Variants in CLUH observed in about 807,000 individuals in gnomAD.
The protein encoded by CLUH is clustered mitochondria protein homolog.
A neutral mutation model predicts 139.3 loss-of-function variants in CLUH; 77 were observed. The observed-to-expected ratio is 0.55, with a 90% CI of 0.46 to 0.67. The LOEUF (loss-of-function observed/expected upper bound fraction) is 0.67, where lower values mean the gene tolerates loss of function less well. Among genes scored for constraint, CLUH ranks in the 30% least tolerant of loss-of-function variants. The probability of loss-of-function intolerance (pLI) is 0.00; values close to 1 mark genes in which losing one functional copy is unlikely to be tolerated. For synonymous variants in CLUH, 999 were observed against 801.6 expected (o/e 1.25, Z -4.16); for missense variants, 1,876 against 1,875.8 (o/e 1.00, Z 0.00).
At position 2,690,554 on chromosome 17, in the gene CLUH, G is replaced by C. The variant is rs762493809; in HGVS notation, c.*40C>G. ...CCTTCTCCCGCAGTCGGGCTCCCTG[G>C]TGACGGGGCCGCTGGCTGGCTGTCC... On this transcript the variant is annotated 3_prime_UTR_variant, in exon 26 of 26. Transcript: ENST00000651024. The C allele has an allele frequency of 5.0e-6, 7 of 1,409,142 alleles. No individual in the cohort carries two copies. The South Asian group carries it at 1.2e-4, about 23-fold the overall frequency. 87.3% of individuals were successfully genotyped at this position (1,409,142 alleles called of 1,614,324 possible). A position where few individuals can be genotyped will look rare whatever the true frequency, so the allele number is the denominator to read the frequency against.
At chr17:2,696,369 C>T (rs2069943763) in intron 12 of CLUH, 65 bp downstream of exon 12, 2 of 1,513,838 alleles carry the variant, frequency 1.3e-6, no homozygotes, top group Non-Finnish European at 9.0e-7. Context: ...GCCCCAAGGG[C>T]CCAGGCCCCC....
intron 24 of CLUH, 32 bp from the exon 25 acceptor site, chr17:2,691,714 G>T: frequency 1.2e-6 from 2 of 1,605,626 alleles, no homozygotes; most frequent in Non-Finnish European, 8.5e-7. Context: ...GGTGAGCGGG[G>T]CTCCCGCGCT....
rs765582996 is a variant in CLUH, at chr17:2,691,966, C to CGCG, written c.3654+37_3654+38insCGC. 446 of 675,222 alleles carry CGCG rather than the reference C, an allele frequency of 6.6e-4. 7 individuals carry two copies. The highest frequency in any genetic ancestry group is 2.1e-3 in the Admixed American group (23 of 11,150). The allele number at this position is 675,222 out of a possible 1,614,324, so 41.8% of individuals were successfully genotyped here. A position where few individuals can be genotyped will look rare whatever the true frequency, so the allele number is the denominator to read the frequency against. On this transcript the variant is annotated intron_variant, in intron 23 of 25. Transcript: ENST00000651024. Reference sequence around the variant, plus strand: ...CCCCGCCCCCGCCCCGCCACGCCCCCGCCCCGCCCCCGCCCCCGCCACGCC... The same window carrying CGCG: ...CCCCGCCCCCGCCCCGCCACGCCCCCGCGGCCCCGCCCCCGCCCCCGCCACGCC...
chr17:2,691,710 C>CG (rs753135925), intron 24 of CLUH, 28 bp from the exon 25 acceptor site: 4 of 1,607,446 alleles, frequency 2.5e-6, no homozygotes. Flanking sequence ...CAGCGGTGAG[C>CG]GGGGCTCCCG....
chr17:2,692,349 G>A lies in CLUH; in HGVS notation c.3560+12C>T. The A allele has an allele frequency of 1.3e-6, 2 of 1,554,296 alleles. No individual in the cohort carries two copies. The highest frequency in any genetic ancestry group is 1.7e-6 in the Non-Finnish European group (2 of 1,157,276). On this transcript the variant is annotated intron_variant, in intron 22 of 25. Transcript: ENST00000651024. ...TCCGCCGGCCTTGGCGTTTGGACGG[G>A]CGGCCCCTCACCTGAGGGCCACCTT...
At chr17:2,697,350 G>A (rs531782935) in intron 10 of CLUH, among the ~76,000 whole-genome samples, 149 of 151,776 alleles carry the variant, frequency 9.8e-4, no homozygotes, top group African/African-American at 3.4e-3. Context: ...GGTGAGCCGG[G>A]ATCGTGCCAT....
rs1439743194 is a variant in CLUH, at chr17:2,695,445, T to C, written c.2473A>G (p.Met825Val). ...AEVMRQRGINMRYLGKVLELV... is the reference protein window; with the variant it reads ...AEVMRQRGINVRYLGKVLELV... ...TCCAGCACCTTGCCCAGGTAGCGCA[T>C]GTTGATGCCCCGCTGGCGCATCACC... The change falls in exon 14 of 26, where the codon ATG becomes GTG. Residue 825 changes from methionine (M) to valine (V), a missense_variant. This residue lies in a region of CLUH where 1,454 missense variants were observed against 1,384.4 expected (regional missense o/e 1.05). Transcript: ENST00000651024. 7 of 1,612,078 alleles carry C rather than the reference T, an allele frequency of 4.3e-6. No individual in the cohort carries two copies. The highest frequency in any genetic ancestry group is 5.9e-6 in the Non-Finnish European group (7 of 1,179,764).
chr17:2,693,884 A>G lies in CLUH; in HGVS notation c.3231+16T>C. On this transcript the variant is annotated intron_variant, in intron 19 of 25. Transcript: ENST00000651024. ...AACACGAGGCCAGGCCTTTGCTGCC[A>G]CAGCCCAGAGGGTACCTCTGCGTAG... is the stretch of plus-strand genomic sequence containing the variant. 1 of 1,600,750 alleles carries G rather than the reference A, an allele frequency of 6.2e-7. No individual in the cohort carries two copies. The highest frequency in any genetic ancestry group is 2.3e-5 in the East Asian group (1 of 44,172).
In CLUH at chr17:2,698,044, G is replaced by A. The variant is rs769744874; in HGVS notation, c.1813C>T (p.Leu605=). The A allele has an allele frequency of 1.9e-6, 3 of 1,606,108 alleles. No individual in the cohort carries two copies. Among genetic ancestry groups the A allele is most frequent in the South Asian group, 1.1e-5 (1 of 90,506 alleles). ...NDGRHYILDL[L]RTFPPDLNFL... Reference sequence around the variant, plus strand: ...TTGAGGTCCGGGGGGAAGGTGCGCAGCAGGTCGAGGATGTAGTGGCGCCCG... The same window carrying A: ...TTGAGGTCCGGGGGGAAGGTGCGCAACAGGTCGAGGATGTAGTGGCGCCCG... Residue 605 remains leucine, a synonymous_variant, in exon 10 of 26, where the codon CTG becomes TTG. Coordinates refer to ENST00000651024, the MANE Select transcript of CLUH (RefSeq NM_001366661.1).
In CLUH at chr17:2,700,766, G is replaced by A. The variant is rs752600034; in HGVS notation, c.1085C>T (p.Ala362Val). Residue 362 changes from alanine to valine, a missense_variant, in exon 8 of 26, where the codon GCC becomes GTC. By Grantham distance (64) the Ala-to-Val change is moderately conservative. This residue lies in a region of CLUH where 1,454 missense variants were observed against 1,384.4 expected (regional missense o/e 1.05). Coordinates refer to ENST00000651024, the MANE Select transcript of CLUH (RefSeq NM_001366661.1). ...ATPFQVYSWT[A>V]PQAEHAMDCV... ...ATCCATGGCATGCTCCGCCTGGGGG[G>A]CTGTCCAGCTGTACACCTGGAATGG... The A allele has an allele frequency of 3.2e-6, 5 of 1,542,598 alleles. No homozygotes were observed. In the South Asian group the frequency reaches 3.8e-5, roughly 12 times the overall value.
At position 2,711,601 on chromosome 17, in the gene CLUH, C is replaced by G. The variant is rs2070526451; in HGVS notation, c.61G>C (p.Gly21Arg). The G allele has an allele frequency of 2.0e-6, 2 of 983,892 alleles. No homozygotes were observed. Among genetic ancestry groups the G allele is most frequent in the Admixed American group, 6.2e-5 (1 of 16,140 alleles). The allele number at this position is 983,892 out of a possible 1,614,324, so 60.9% of individuals were successfully genotyped here. The change falls in exon 1 of 26, where the codon GGC becomes CGC. Residue 21 changes from glycine (G) to arginine (R), a missense_variant. By Grantham distance (125) the Gly-to-Arg change is moderately radical. Coordinates refer to ENST00000651024, the MANE Select transcript of CLUH (RefSeq NM_001366661.1). ...AAPADSAREH[G>R]SQAGGKGRPG... ...CGCCCCTTGCCCCCGGCCTGCGAGC[C>G]GTGTTCCCGGGCGCTGTCGGCCGGG...
intron 1 of CLUH, among the ~76,000 whole-genome samples, chr17:2,708,558 A>C (rs1043742806): frequency 1.3e-5 from 2 of 152,132 alleles, no homozygotes; most frequent in African/African-American, 4.8e-5. Flanking sequence ...CAGAGGCAAG[A>C]GGAGCCAACC....
At position 2,692,181 on chromosome 17, in the gene CLUH, G is replaced by T. The variant is rs528151801; in HGVS notation, c.3561-84C>A. The T allele has an allele frequency of 2.7e-6, 4 of 1,464,766 alleles. No homozygotes were observed. The Admixed American group carries it at 7.9e-5, about 29-fold the overall frequency. The allele number at this position is 1,464,766 out of a possible 1,614,324, so 90.7% of individuals were successfully genotyped here. A position where few individuals can be genotyped will look rare whatever the true frequency, so the allele number is the denominator to read the frequency against. ...CTGACTCGGGGGCCCGGGGTCTCCC[G>T]TAGATCCCTCCCTGGAAGCCACCGA... is the stretch of plus-strand genomic sequence containing the variant. On this transcript the variant is annotated intron_variant, in intron 22 of 25. Coordinates refer to ENST00000651024, the MANE Select transcript of CLUH (RefSeq NM_001366661.1).
rs2070192412 is a variant in CLUH, at chr17:2,701,810, T to G, written c.620-73A>C. On this transcript the variant is annotated intron_variant, in intron 4 of 25. Transcript: ENST00000651024. ...CTGTCTCCCTACCTCCTGATGGCCG[T>G]GGTCCGGGTGCCTCAGGCCCAGGCC... 3.2e-6 allele frequency: 5 copies of G among 1,567,276 alleles called. No individual in the cohort carries two copies. In the African/African-American group the frequency reaches 6.7e-5, roughly 21 times the overall value.
chr17:2,698,043 A>T lies in CLUH; in HGVS notation c.1814T>A (p.Leu605Gln). The change falls in exon 10 of 26, where the codon CTG (leucine) becomes CAG (glutamine). Residue 605 changes from leucine to glutamine, a missense_variant. By Grantham distance (113) the Leu-to-Gln change is moderately radical (BLOSUM62 -2). This residue lies in a region of CLUH where 1,454 missense variants were observed against 1,384.4 expected (regional missense o/e 1.05). Transcript: ENST00000651024. ...NDGRHYILDL[L>Q]RTFPPDLNFL... ...GTTGAGGTCCGGGGGGAAGGTGCGC[A>T]GCAGGTCGAGGATGTAGTGGCGCCC... 1 of 1,606,244 alleles carries T rather than the reference A, an allele frequency of 6.2e-7. No homozygotes were observed. The highest frequency in any genetic ancestry group is 8.5e-7 in the Non-Finnish European group (1 of 1,179,066).
intron 1 of CLUH, among the ~76,000 whole-genome samples, chr17:2,705,870 G>A (rs1246811437): frequency 1.3e-5 from 2 of 152,190 alleles, no homozygotes; most frequent in African/African-American, 4.8e-5. Flanking sequence ...TGGAACAAAG[G>A]AGAACCCCCT....
chr17:2,693,149 A>AAAAAAAT (rs2069782063), intron 19 of CLUH, among the ~76,000 whole-genome samples: 1 of 150,568 alleles, frequency 6.6e-6, no homozygotes, highest in Non-Finnish European at 1.5e-5. Flanking sequence ...TACAAAAAAA[A>AAAAAAAT]AAAAAAAGCC....
rs1303893117 is a variant in CLUH, at chr17:2,691,975, C to A, written c.3654+29G>T. On this transcript the variant is annotated intron_variant, in intron 23 of 25. Transcript: ENST00000651024. ...CGCCCCGCCACGCCCCCGCCCCGCC[C>A]CCGCCCCCGCCACGCCCCCGCCGCG... 6.5e-5 allele frequency: 39 copies of A among 596,790 alleles called. 1 individual carries two copies. Among genetic ancestry groups the A allele is most frequent in the Non-Finnish European group, 7.8e-5 (38 of 487,368 alleles). 37.0% of individuals were successfully genotyped at this position (596,790 alleles called of 1,614,324 possible).
At chr17:2,694,822 T>TACCACCCACCCCCCCCCCCCCCCCC in intron 16 of CLUH, 35 bp downstream of exon 16, 1 of 1,346,338 alleles carries the variant, frequency 7.4e-7, no homozygotes, top group South Asian at 1.5e-5. Flanking sequence ...ATCTGCCCAA[T>TACCACCCACCCCCCCCCCCCCCCCC]CCCACCCACC....
Sources: allele counts gnomAD v4.1 joint callset (sites outside exome capture counted in the v4.1 genomes callset), GRCh38; gene constraint gnomAD v4.1.1; regional missense constraint gnomAD v4.1.1; transcripts MANE v1.5; gene names NCBI Gene and HGNC (gene_info 2026-07-23, HGNC 2026-07-21).